Variants in COL24A1 observed in about 807,000 individuals in gnomAD.
COL24A1 encodes the protein collagen alpha-1(XXIV) chain.
COL24A1 carries 224 observed loss-of-function variants against 253.9 expected under a neutral mutation model. That is an observed-to-expected ratio of 0.88 (90% CI 0.79 to 0.99). The LOEUF is 0.99. Ranked by LOEUF, COL24A1 falls within the 50% of genes least tolerant of loss-of-function variation. The probability of loss-of-function intolerance (pLI) is 0.00; values close to 1 mark genes in which losing one functional copy is unlikely to be tolerated. For synonymous variants in COL24A1, 685 were observed against 673.7 expected (o/e 1.02, Z -0.26); for missense variants, 2,131 against 2,068.5 (o/e 1.03, Z -0.59).
chr1:85,953,546 A>G (rs763267023), intron 24 of COL24A1, among the ~76,000 whole-genome samples: 4 of 152,204 alleles, frequency 2.6e-5, no homozygotes, highest in Non-Finnish European at 5.9e-5. Context: ...TGTTATCTCT[A>G]GCACACATTA....
chr1:85,777,694 C>T (rs1226756159), intron 52 of COL24A1, among the ~76,000 whole-genome samples: 3 of 152,110 alleles, frequency 2.0e-5, no homozygotes, highest in Non-Finnish European at 4.4e-5. Context: ...CCAAGTGGAA[C>T]TGTTTTGTTA....
chr1:86,062,471 T>C (rs570826594), intron 8 of COL24A1, among the ~76,000 whole-genome samples: 2 of 152,136 alleles, frequency 1.3e-5, no homozygotes, highest in African/African-American at 2.4e-5. Flanking sequence ...ACCTTTAAAA[T>C]TGGTTTTAGA....
chr1:86,097,337 G>T (rs1571905155), intron 5 of COL24A1, among the ~76,000 whole-genome samples: 1 of 151,590 alleles, frequency 6.6e-6, no homozygotes, highest in East Asian at 1.9e-4. Flanking sequence ...TCTCAATCTT[G>T]TTGTTATTGT....
At chr1:86,119,438 A>G (rs887222151) in intron 3 of COL24A1, among the ~76,000 whole-genome samples, 2 of 152,196 alleles carry the variant, frequency 1.3e-5, no homozygotes, top group Non-Finnish European at 2.9e-5. Flanking sequence ...CAAGAGTAGA[A>G]AAGGTGGAGC....
chr1:85,890,209 G>GTA (rs1682970937), intron 31 of COL24A1, among the ~76,000 whole-genome samples: 1 of 152,090 alleles, frequency 6.6e-6, no homozygotes, highest in Non-Finnish European at 1.5e-5. Flanking sequence ...ATTAACATGG[G>GTA]TATGCGAGTA....
At chr1:86,110,782 G>A (rs182148682) in intron 5 of COL24A1, among the ~76,000 whole-genome samples, 100 of 152,244 alleles carry the variant, frequency 6.6e-4, no homozygotes, top group African/African-American at 2.3e-3. Flanking sequence ...CTGCCCGCAG[G>A]GCAGGGCTCC....
chr1:86,153,698 T>C (rs898520479), intron 1 of COL24A1, among the ~76,000 whole-genome samples: 2 of 152,238 alleles, frequency 1.3e-5, no homozygotes, highest in Non-Finnish European at 2.9e-5. Flanking sequence ...TTTAAAAATT[T>C]ATTTGAACAC....
At chr1:86,117,248 T>C (rs1237460758) in intron 3 of COL24A1, among the ~76,000 whole-genome samples, 1 of 152,154 alleles carries the variant, frequency 6.6e-6, no homozygotes, top group Non-Finnish European at 1.5e-5. Flanking sequence ...AAAGTGATGG[T>C]AGTAGGAGAT....
At chr1:85,911,717 G>A (rs904483330) in intron 24 of COL24A1, among the ~76,000 whole-genome samples, 6 of 152,098 alleles carry the variant, frequency 3.9e-5, no homozygotes, top group Non-Finnish European at 7.4e-5. Flanking sequence ...GAACTGACAT[G>A]CTACTAGATT....
At chr1:86,126,299 C>A in intron 2 of COL24A1, 85 bp from the exon 3 acceptor site, 1 of 1,268,724 alleles carries the variant, frequency 7.9e-7, no homozygotes. Context: ...TGATAAAAAT[C>A]TTCCTTGTAG....
chr1:85,934,181 A>C (rs921139618), intron 24 of COL24A1, among the ~76,000 whole-genome samples: 14 of 152,170 alleles, frequency 9.2e-5, no homozygotes, highest in African/African-American at 3.4e-4. Context: ...TGAGAAAGGA[A>C]GAAGCTGCAG....
intron 26 of COL24A1, 125 bp downstream of exon 26, chr1:85,909,825 A>G (rs1685190663): frequency 2.5e-6 from 2 of 814,994 alleles, no homozygotes; most frequent in African/African-American, 3.4e-5. Flanking sequence ...TTTAAAAATA[A>G]AATTCTATGG....
chr1:85,873,993 C>T lies in COL24A1; in HGVS notation c.3138+656G>A, dbSNP rs182525188. 5.5e-4 allele frequency among the ~76,000 whole-genome samples: 84 copies of T among 152,110 alleles called. No homozygotes were observed. In the East Asian group the frequency reaches 0.012, roughly 22 times the overall value. On this transcript the variant is annotated intron_variant, in intron 35 of 59. Coordinates refer to ENST00000370571, the MANE Select transcript of COL24A1 (RefSeq NM_152890.7). Reference sequence around the variant, plus strand: ...AATTAGTGCATATTTATAGTTGCTCCATCTTTCCCATTCACCCCACCCCAC... The same window carrying T: ...AATTAGTGCATATTTATAGTTGCTCTATCTTTCCCATTCACCCCACCCCAC...
intron 57 of COL24A1, among the ~76,000 whole-genome samples, chr1:85,744,343 C>G (rs1664974514): frequency 6.6e-6 from 1 of 151,938 alleles, no homozygotes; most frequent in Non-Finnish European, 1.5e-5. Flanking sequence ...ATTTATGTTG[C>G]TAACTTTTGT....
At chr1:86,132,262 T>C (rs1649362792) in intron 2 of COL24A1, among the ~76,000 whole-genome samples, 1 of 152,222 alleles carries the variant, frequency 6.6e-6, no homozygotes, top group African/African-American at 2.4e-5. Context: ...ATTCTGGATA[T>C]TAGCCCTTTG....
At chr1:86,107,438 T>C (rs1428199087) in intron 5 of COL24A1, among the ~76,000 whole-genome samples, 1 of 152,190 alleles carries the variant, frequency 6.6e-6, no homozygotes, top group Non-Finnish European at 1.5e-5. Context: ...GCATGTTAAG[T>C]ACCTAAGAAA....
chr1:85,870,359 T>C (rs1393227671), intron 35 of COL24A1, among the ~76,000 whole-genome samples: 1 of 152,226 alleles, frequency 6.6e-6, no homozygotes, highest in Non-Finnish European at 1.5e-5. Flanking sequence ...AATAGACATC[T>C]ACAGAACTTT....
rs184594538 is a variant in COL24A1 at position 85,776,383 on chromosome 1, T to C, written c.4339-674A>G. 2.5e-3 allele frequency among the ~76,000 whole-genome samples: 384 copies of C among 152,242 alleles called. 1 individual carries two copies. Among genetic ancestry groups the C allele is most frequent in the Non-Finnish European group, 4.1e-3 (277 of 67,992 alleles). ...ATCTTCTATTTTGGTGAACGTTCCA[T>C]ATGCACTTGAAACGAATGTAGTTTG... On this transcript the variant is annotated intron_variant, in intron 52 of 59. Coordinates refer to ENST00000370571, the MANE Select transcript of COL24A1 (RefSeq NM_152890.7).
chr1:85,809,965 C>A (rs1467684322), intron 47 of COL24A1, among the ~76,000 whole-genome samples: 1 of 151,860 alleles, frequency 6.6e-6, no homozygotes, highest in Non-Finnish European at 1.5e-5. Context: ...TCTCCATTAT[C>A]CCCTTCCACC....
Sources: gnomAD v4.1 joint callset for allele counts (sites outside exome capture counted in the v4.1 genomes callset) on GRCh38, gnomAD v4.1.1 for gene constraint, MANE v1.5 for transcripts, NCBI Gene and HGNC (gene_info 2026-07-23, HGNC 2026-07-21) for gene names.